The following LRP1B variants were observed in gnomAD, a reference collection of about 807,000 sequenced individuals.
LRP1B encodes the protein low-density lipoprotein receptor-related protein 1B.
LRP1B carries 217 observed loss-of-function variants against 556.6 expected under a neutral mutation model. The observed-to-expected ratio is 0.39, with a 90% confidence interval of 0.35 to 0.44. The LOEUF (loss-of-function observed/expected upper bound fraction) is 0.44, where lower values mean the gene tolerates loss of function less well. Among genes scored for constraint, LRP1B ranks in the 20% least tolerant of loss-of-function variants. The pLI is 1.00. For missense variants in LRP1B, 5,053 were observed against 5,620.8 expected (o/e 0.90, Z 3.23); for synonymous variants, 2,047 against 1,865.8 (o/e 1.10, Z -2.50).
At chr2:140,955,554 A>G (rs1015403396) in intron 18 of LRP1B, among the ~76,000 whole-genome samples, 1 of 151,796 alleles carries the variant, frequency 6.6e-6, no homozygotes, top group African/African-American at 2.4e-5. Context: ...GGAAAAGAAA[A>G]CTATATTTTA....
chr2:141,664,524 A>G (rs1690347673), intron 2 of LRP1B, among the ~76,000 whole-genome samples: 1 of 152,190 alleles, frequency 6.6e-6, no homozygotes, highest in African/African-American at 2.4e-5. Context: ...AGGATACAAA[A>G]TCAATGTGCA....
chr2:141,804,383 A>G (rs2105694502), intron 2 of LRP1B, among the ~76,000 whole-genome samples: 1 of 152,234 alleles, frequency 6.6e-6, no homozygotes, highest in African/African-American at 2.4e-5. Context: ...TTTTTAATAC[A>G]TGTATTTCAA....
chr2:140,725,147 T>C (rs1335049647), intron 35 of LRP1B, among the ~76,000 whole-genome samples: 3 of 152,184 alleles, frequency 2.0e-5, no homozygotes, highest in Admixed American at 2.0e-4. Context: ...TTTTGAGAAA[T>C]ATAACAGTTA....
chr2:140,252,087 A>AAC lies in LRP1B; in HGVS notation c.13248-4926_13248-4925insGT, dbSNP rs1553482274. 1.7e-3 allele frequency among the ~76,000 whole-genome samples: 192 copies of AAC among 111,676 alleles called. 17 individuals carry two copies. The highest frequency in any genetic ancestry group is 7.4e-3 in the African/African-American group (182 of 24,580). The allele number at this position is 111,676 out of a possible 152,430, so 73.3% of individuals were successfully genotyped here. On this transcript the variant is annotated intron_variant, in intron 86 of 90. Transcript: ENST00000389484. ...CAAAAAAAAAAAAAAAAAAAAAAAAAAACCCAAAAAACAAAAAAAAACAGA... is the reference window on the plus strand; with the variant it reads ...CAAAAAAAAAAAAAAAAAAAAAAAAAACAACCCAAAAAACAAAAAAAAACAGA...
chr2:140,664,002 C>G (rs889959046), intron 41 of LRP1B, among the ~76,000 whole-genome samples: 1 of 152,066 alleles, frequency 6.6e-6, no homozygotes, highest in African/African-American at 2.4e-5. Flanking sequence ...GGGAAAGACA[C>G]AGGGAAGGAC....
intron 49 of LRP1B, among the ~76,000 whole-genome samples, chr2:140,525,267 G>C (rs961308833): frequency 6.6e-6 from 1 of 151,516 alleles, no homozygotes; most frequent in Non-Finnish European, 1.5e-5. Context: ...TCCTCAAATA[G>C]AAAGAAACAG....
At chr2:140,716,996 A>T (rs1426532868) in intron 35 of LRP1B, among the ~76,000 whole-genome samples, 180 bp from the exon 36 acceptor site, 1 of 152,124 alleles carries the variant, frequency 6.6e-6, no homozygotes, top group Admixed American at 6.6e-5. Context: ...TGAAAAGAAC[A>T]TGAAAGAACT....
At chr2:141,609,253 T>C (rs1480667001) in intron 2 of LRP1B, among the ~76,000 whole-genome samples, 1 of 152,188 alleles carries the variant, frequency 6.6e-6, no homozygotes, top group Non-Finnish European at 1.5e-5. Context: ...GAGAACACTA[T>C]TACGTAGTGT....
intron 7 of LRP1B, among the ~76,000 whole-genome samples, chr2:141,142,727 A>G (rs1701684710): frequency 6.6e-6 from 1 of 152,082 alleles, no homozygotes; most frequent in Non-Finnish European, 1.5e-5. Flanking sequence ...AGTGAAAATA[A>G]TCATAATAGG....
chr2:141,737,082 G>T (rs774138640), intron 2 of LRP1B, among the ~76,000 whole-genome samples: 4 of 152,104 alleles, frequency 2.6e-5, no homozygotes, highest in Non-Finnish European at 5.9e-5. Context: ...GGCCAGGCAC[G>T]GTGGTTCACA....
chr2:140,654,025 CAAAAA>C (rs61199077), intron 41 of LRP1B, among the ~76,000 whole-genome samples: 3 of 35,398 alleles, frequency 8.5e-5, no homozygotes, highest in Admixed American at 7.0e-4. Flanking sequence ...GACTCCATCT[CAAAAA>C]AAAAAAAAAA....
At position 141,911,782 on chromosome 2, in the gene LRP1B, C is replaced by G. The variant is rs141321583; in HGVS notation, c.83-101381G>C. Among the ~76,000 whole-genome samples the G allele has an allele frequency of 5.5e-4, 84 of 152,182 alleles. 1 individual carries two copies. The highest frequency in any genetic ancestry group is 2.0e-3 in the African/African-American group (82 of 41,526). On this transcript the variant is annotated intron_variant, in intron 1 of 90. Coordinates refer to ENST00000389484, the MANE Select transcript of LRP1B (RefSeq NM_018557.3). ...TACTTCCTCTTTTATGGATAGTAGCCCTGGTGCCTTAAGTCTCTGGGCAGT... is the reference window on the plus strand; with the variant it reads ...TACTTCCTCTTTTATGGATAGTAGCGCTGGTGCCTTAAGTCTCTGGGCAGT...
At chr2:141,660,498 A>C (rs909515748) in intron 2 of LRP1B, among the ~76,000 whole-genome samples, 1 of 152,016 alleles carries the variant, frequency 6.6e-6, no homozygotes, top group African/African-American at 2.4e-5. Flanking sequence ...GGTGCCGCGG[A>C]AACTGGGCAG....
At chr2:140,670,388 T>C (rs114735086) in intron 41 of LRP1B, among the ~76,000 whole-genome samples, 2,078 of 152,220 alleles carry the variant, frequency 0.014, 40 homozygotes, top group Admixed American at 0.046. Context: ...GCCTCCGCAG[T>C]TCTAAATGGT....
intron 27 of LRP1B, among the ~76,000 whole-genome samples, chr2:140,852,788 G>A (rs537711292): frequency 5.3e-5 from 8 of 152,168 alleles, no homozygotes; most frequent in African/African-American, 1.9e-4. Context: ...TTCTGTGACA[G>A]CACTGAATGT....
chr2:141,589,699 G>A (rs931388374), intron 2 of LRP1B, among the ~76,000 whole-genome samples: 1 of 152,136 alleles, frequency 6.6e-6, no homozygotes, highest in African/African-American at 2.4e-5. Context: ...ATTGTGCCTC[G>A]AGTTTTATTG....
intron 77 of LRP1B, among the ~76,000 whole-genome samples, chr2:140,346,644 A>T (rs1162994295): frequency 6.6e-6 from 1 of 151,786 alleles, no homozygotes; most frequent in Non-Finnish European, 1.5e-5. Context: ...AAGACTTTGA[A>T]GTGTTTTTGC....
intron 41 of LRP1B, among the ~76,000 whole-genome samples, chr2:140,616,916 G>C (rs1683277160): frequency 1.3e-5 from 2 of 151,712 alleles, no homozygotes; most frequent in South Asian, 4.2e-4. Flanking sequence ...AAACTACTCA[G>C]TGAAAACAAA....
chr2:141,985,612 A>AT (rs796329866), intron 1 of LRP1B, among the ~76,000 whole-genome samples: 74 of 148,882 alleles, frequency 5.0e-4, no homozygotes, highest in South Asian at 2.5e-3. Context: ...CAATTCTTTC[A>AT]TTTTTTTTTT....
Sources: gnomAD v4.1 joint callset for allele counts (sites outside exome capture counted in the v4.1 genomes callset) on GRCh38, gnomAD v4.1.1 for gene constraint, MANE v1.5 for transcripts, NCBI Gene and HGNC (gene_info 2026-07-23, HGNC 2026-07-21) for gene names.